Variants in ST8SIA2 observed in about 807,000 individuals in gnomAD.
ST8SIA2 encodes ST8 alpha-N-acetyl-neuraminide alpha-2,8-sialyltransferase 2.
ST8SIA2 carries 22 observed loss-of-function variants against 37.6 expected under a neutral mutation model. The ratio of observed to expected loss-of-function variants is 0.58; its 90% CI spans 0.42 to 0.83. ST8SIA2 has a LOEUF of 0.83. ST8SIA2 is among the 40% of genes least tolerant of loss of function. ST8SIA2 has a pLI of 0.00. For synonymous variants in ST8SIA2, 205 were observed against 201.2 expected (o/e 1.02, Z -0.16); for missense variants, 382 against 484.7 (o/e 0.79, Z 1.99).
At chr15:92,439,244 A>G (rs958116186) in intron 4 of ST8SIA2, among the ~76,000 whole-genome samples, 3 of 152,056 alleles carry the variant, frequency 2.0e-5, no homozygotes, top group African/African-American at 7.2e-5. Flanking sequence ...GGGGTGCCCT[A>G]CTAGTGACTT....
chr15:92,426,638 G>T (rs2049678083), intron 1 of ST8SIA2, among the ~76,000 whole-genome samples: 1 of 152,194 alleles, frequency 6.6e-6, no homozygotes, highest in African/African-American at 2.4e-5. Context: ...ACTGGGGGTG[G>T]GGCTGTGAGG....
At chr15:92,404,736 G>A (rs1381992812) in intron 1 of ST8SIA2, among the ~76,000 whole-genome samples, 12 of 151,288 alleles carry the variant, frequency 7.9e-5, no homozygotes, top group Non-Finnish European at 1.5e-5. Flanking sequence ...CTCGGAGGCT[G>A]AGACAGGAGA....
chr15:92,441,577 GCACACACACACACACA>G (rs112388744), intron 4 of ST8SIA2, among the ~76,000 whole-genome samples: 14 of 143,256 alleles, frequency 9.8e-5, no homozygotes, highest in African/African-American at 1.6e-4. Context: ...CACTGTGCAT[GCACACACACACACACA>G]CACACACACA....
intron 1 of ST8SIA2, among the ~76,000 whole-genome samples, chr15:92,403,784 A>G (rs2049487848): frequency 6.6e-6 from 1 of 152,208 alleles, no homozygotes; most frequent in African/African-American, 2.4e-5. Context: ...TGAGGTTCCC[A>G]CAATTTGGGA....
chr15:92,425,766 C>T (rs567164468), intron 1 of ST8SIA2, among the ~76,000 whole-genome samples: 1 of 152,168 alleles, frequency 6.6e-6, no homozygotes, highest in African/African-American at 2.4e-5. Flanking sequence ...TGGGAGCTGT[C>T]GCTAGTTGCA....
intron 5 of ST8SIA2, among the ~76,000 whole-genome samples, chr15:92,459,070 C>T (rs1282148485): frequency 6.6e-6 from 1 of 152,156 alleles, no homozygotes; most frequent in African/African-American, 2.4e-5. Context: ...GCCTGAGTAA[C>T]CTCAGAAGCA....
chr15:92,406,019 A>C (rs185598630), intron 1 of ST8SIA2, among the ~76,000 whole-genome samples: 1 of 152,278 alleles, frequency 6.6e-6, no homozygotes, highest in Admixed American at 6.5e-5. Context: ...GTGGCCTCTA[A>C]ACTGTTTCTG....
chr15:92,420,337 T>C (rs2049624180), intron 1 of ST8SIA2, among the ~76,000 whole-genome samples: 1 of 152,174 alleles, frequency 6.6e-6, no homozygotes, highest in African/African-American at 2.4e-5. Context: ...CACAGTTTCA[T>C]TATGAGAAAG....
At chr15:92,452,657 A>G (rs917667016) in intron 5 of ST8SIA2, among the ~76,000 whole-genome samples, 2 of 152,238 alleles carry the variant, frequency 1.3e-5, no homozygotes, top group Non-Finnish European at 2.9e-5. Context: ...TTCCTTTGTG[A>G]GGCAGGCAGC....
At chr15:92,450,544 A>G (rs2049874404) in intron 5 of ST8SIA2, among the ~76,000 whole-genome samples, 1 of 152,226 alleles carries the variant, frequency 6.6e-6, no homozygotes, top group Non-Finnish European at 1.5e-5. Context: ...CAGTTCTGAC[A>G]GAAGGCAAAG....
chr15:92,394,353 G>A (rs1379765086), intron 1 of ST8SIA2, among the ~76,000 whole-genome samples, 191 bp downstream of exon 1: 1 of 152,122 alleles, frequency 6.6e-6, no homozygotes, highest in East Asian at 1.9e-4. Flanking sequence ...GGGTGGGGGC[G>A]CGGCTGCTGT....
intron 1 of ST8SIA2, among the ~76,000 whole-genome samples, chr15:92,416,469 G>T (rs907663005): frequency 1.3e-5 from 2 of 152,116 alleles, no homozygotes; most frequent in Non-Finnish European, 2.9e-5. Flanking sequence ...AAACCGGCGC[G>T]TGCAAAGGGC....
At chr15:92,404,304 G>A (rs2049491786) in intron 1 of ST8SIA2, among the ~76,000 whole-genome samples, 1 of 152,212 alleles carries the variant, frequency 6.6e-6, no homozygotes, top group Admixed American at 6.5e-5. Flanking sequence ...ACCTGTGTGA[G>A]TTCAGGCAAA....
chr15:92,448,992 T>G (rs546606763), intron 5 of ST8SIA2, among the ~76,000 whole-genome samples: 97 of 152,254 alleles, frequency 6.4e-4, no homozygotes, highest in African/African-American at 2.2e-3. Flanking sequence ...AACATAAAAT[T>G]TATGATTTTA....
rs1416272063 is a variant in ST8SIA2, at chr15:92,464,540, G to A, written c.*155G>A. The A allele has an allele frequency of 2.7e-6, 2 of 753,378 alleles. No homozygotes were observed. Among genetic ancestry groups the A allele is most frequent in the African/African-American group, 1.7e-5 (1 of 57,370 alleles). The allele number at this position is 753,378 out of a possible 1,614,324, so 46.7% of individuals were successfully genotyped here. A position where few individuals can be genotyped will look rare whatever the true frequency, so the allele number is the denominator to read the frequency against. On this transcript the variant is annotated 3_prime_UTR_variant, in exon 6 of 6. Transcript: ENST00000268164. The stretch of plus-strand genomic sequence containing the variant: ...GACCAGAATATATATATCTATACCT[G>A]CATATATATATTGACCTGAGTATTT...
intron 1 of ST8SIA2, 49 bp downstream of exon 1, chr15:92,394,211 C>T: frequency 1.4e-6 from 2 of 1,474,292 alleles, no homozygotes; most frequent in Non-Finnish European, 1.9e-6. Flanking sequence ...CGGGATCTCT[C>T]CCTCCTTCTG....
chr15:92,426,215 G>A, intron 1 of ST8SIA2, among the ~76,000 whole-genome samples: 1 of 152,128 alleles, frequency 6.6e-6, no homozygotes, highest in Middle Eastern at 3.2e-3. Context: ...GGTGGCAAAT[G>A]CTATAATAGA....
At chr15:92,432,797 G>A (rs1029483120) in intron 2 of ST8SIA2, among the ~76,000 whole-genome samples, 1 of 152,148 alleles carries the variant, frequency 6.6e-6, no homozygotes, top group African/African-American at 2.4e-5. Context: ...GAATGTGTGA[G>A]ACAACATGCA....
At chr15:92,431,090 G>T (rs78701704) in intron 2 of ST8SIA2, among the ~76,000 whole-genome samples, 3,965 of 152,270 alleles carry the variant, frequency 0.026, 186 homozygotes, top group African/African-American at 0.088. Flanking sequence ...TATGAATGAA[G>T]CCCGTGTTAT....
Sources: allele counts gnomAD v4.1 joint callset (sites outside exome capture counted in the v4.1 genomes callset), GRCh38; gene constraint gnomAD v4.1.1; transcripts MANE v1.5; gene names NCBI Gene and HGNC (gene_info 2026-07-23, HGNC 2026-07-21).